Variants in COG6 observed in about 807,000 individuals in gnomAD.
The protein encoded by COG6 is conserved oligomeric Golgi complex subunit 6.
COG6 carries 74 observed loss-of-function variants against 88.8 expected under a neutral mutation model. That is an observed-to-expected ratio of 0.83 (90% CI 0.69 to 1.01). The LOEUF is 1.01. COG6 is among the 50% of genes least tolerant of loss of function. The pLI is 0.00. For missense variants in COG6, 800 were observed against 797.9 expected (o/e 1.00, Z -0.03); for synonymous variants, 286 against 278.7 (o/e 1.03, Z -0.26).
intron 7 of COG6, among the ~76,000 whole-genome samples, chr13:39,681,573 G>A (rs993202456): frequency 1.3e-5 from 2 of 152,138 alleles, no homozygotes; most frequent in African/African-American, 4.8e-5. Flanking sequence ...TACTGCTAGT[G>A]TGAAGTCCTT....
rs535106917 is a variant in COG6 at position 39,752,506 on chromosome 13, G to T, written c.*1413G>T. On this transcript the variant is annotated 3_prime_UTR_variant, in exon 19 of 19. Transcript: ENST00000455146. ...AAAGTATAAATCAAGAGCTTAAATT[G>T]TATATAATTTATTTCTACAGAGAAA... is the stretch of plus-strand genomic sequence containing the variant. 97 of 1,157,094 alleles carry T rather than the reference G, an allele frequency of 8.4e-5. No homozygotes were observed. The African/African-American group carries it at 1.5e-3, about 17-fold the overall frequency. 71.7% of individuals were successfully genotyped at this position (1,157,094 alleles called of 1,614,324 possible). A position where few individuals can be genotyped will look rare whatever the true frequency, so the allele number is the denominator to read the frequency against.
At position 39,659,480 on chromosome 13, in the gene COG6, T is replaced by C; in HGVS notation, c.270T>C (p.Phe90=). The change falls in exon 2 of 19, where the codon TTT becomes TTC. Residue 90 remains phenylalanine (F), a synonymous_variant. Coordinates refer to ENST00000455146, the MANE Select transcript of COG6 (RefSeq NM_020751.3). The part of the protein sequence containing the change: ...ERKSLAINEE[F]VSIFKEVKEE... Reference sequence around the variant, plus strand: ...AAAGTTTAGCCATCAATGAAGAATTTGTAAGCATTTTCAAGGAAGTGAAGG... The same window carrying C: ...AAAGTTTAGCCATCAATGAAGAATTCGTAAGCATTTTCAAGGAAGTGAAGG... 1 of 1,613,542 alleles carries C rather than the reference T, an allele frequency of 6.2e-7. No homozygotes were observed. The highest frequency in any genetic ancestry group is 8.5e-7 in the Non-Finnish European group (1 of 1,179,724).
intron 13 of COG6, among the ~76,000 whole-genome samples, chr13:39,714,607 A>G (rs755047956): frequency 2.0e-5 from 3 of 152,104 alleles, no homozygotes; most frequent in Non-Finnish European, 4.4e-5. Flanking sequence ...CATTATTAAA[A>G]AGTGAAAAAA....
At chr13:39,753,750 A>G (rs779247146), downstream of COG6, among the ~76,000 whole-genome samples, 1 of 152,086 alleles carries the variant, frequency 6.6e-6, no homozygotes, top group Non-Finnish European at 1.5e-5. Flanking sequence ...TTCAGCAACA[A>G]CTGGCCTCTC....
intron 4 of COG6, among the ~76,000 whole-genome samples, chr13:39,676,438 C>T (rs909055724): frequency 6.6e-6 from 1 of 152,064 alleles, no homozygotes; most frequent in South Asian, 2.1e-4. Flanking sequence ...AAGAACATGA[C>T]ATTTAAATCT....
At chr13:39,678,879 T>A (rs1189751959) in intron 5 of COG6, among the ~76,000 whole-genome samples, 1 of 152,016 alleles carries the variant, frequency 6.6e-6, no homozygotes, top group African/African-American at 2.4e-5. Context: ...ATATTTGACA[T>A]ATCATTTTTT....
intron 10 of COG6, among the ~76,000 whole-genome samples, chr13:39,689,091 C>T (rs1876834326): frequency 6.6e-6 from 1 of 152,136 alleles, no homozygotes; most frequent in African/African-American, 2.4e-5. Context: ...TCTCCTTACC[C>T]AGTTTAAATA....
chr13:39,696,655 G>C (rs543970513), intron 12 of COG6, among the ~76,000 whole-genome samples: 2 of 151,226 alleles, frequency 1.3e-5, no homozygotes, highest in South Asian at 4.2e-4. Flanking sequence ...GGTAGAGAGA[G>C]GCCAGCTCAC....
chr13:39,717,145 A>G (rs986765864), intron 13 of COG6, among the ~76,000 whole-genome samples: 3 of 152,200 alleles, frequency 2.0e-5, no homozygotes, highest in South Asian at 2.1e-4. Flanking sequence ...ATGTCATCCA[A>G]TATGCAGACT....
chr13:39,701,409 T>C (rs1877569951), intron 13 of COG6, among the ~76,000 whole-genome samples: 2 of 151,926 alleles, frequency 1.3e-5, no homozygotes, highest in Admixed American at 6.6e-5. Flanking sequence ...TAAGAGATAG[T>C]TGAATTCATG....
intron 18 of COG6, among the ~76,000 whole-genome samples, chr13:39,734,242 A>C (rs1433515054): frequency 6.6e-6 from 1 of 152,086 alleles, no homozygotes; most frequent in Non-Finnish European, 1.5e-5. Context: ...ACTTACAGCT[A>C]CAAAGTTTCC....
At chr13:39,666,516 A>G (rs1441171664) in intron 4 of COG6, among the ~76,000 whole-genome samples, 1 of 152,212 alleles carries the variant, frequency 6.6e-6, no homozygotes, top group South Asian at 2.1e-4. Flanking sequence ...AAGAGTTTGA[A>G]AAACACTGCC....
chr13:39,668,649 G>A (rs1040483637), intron 4 of COG6, among the ~76,000 whole-genome samples: 3 of 152,044 alleles, frequency 2.0e-5, no homozygotes, highest in Admixed American at 6.5e-5. Flanking sequence ...TTAGCCGGGC[G>A]TGGTGGCGGG....
rs764876407 is a variant in COG6 at position 39,703,294 on chromosome 13, C to T, written c.1284+3676C>T. ...TAAAAAAAAATCTTTACCAACATGA[C>T]GAGCAAAAGCGACATTTTGTTGTTT... is the stretch of plus-strand genomic sequence containing the variant. On this transcript the variant is annotated intron_variant, in intron 13 of 18. Transcript: ENST00000455146. Among the ~76,000 whole-genome samples, 16 of 152,002 alleles carry T rather than the reference C, an allele frequency of 1.1e-4. 1 individual carries two copies. The highest frequency in any genetic ancestry group is 1.9e-4 in the East Asian group (1 of 5,180).
At chr13:39,673,316 A>G (rs1223739704) in intron 4 of COG6, among the ~76,000 whole-genome samples, 1 of 151,894 alleles carries the variant, frequency 6.6e-6, no homozygotes, top group Non-Finnish European at 1.5e-5. Context: ...TATTTGTTTT[A>G]AAATACTAAG....
At chr13:39,677,068 A>C (rs749251762) in intron 4 of COG6, among the ~76,000 whole-genome samples, 1 of 152,192 alleles carries the variant, frequency 6.6e-6, no homozygotes, top group Admixed American at 6.5e-5. Context: ...TAAAAGGCTT[A>C]GGAATTGTTT....
intron 18 of COG6, 21 bp downstream of exon 18, chr13:39,727,569 G>C (rs767655447): frequency 3.9e-6 from 6 of 1,546,448 alleles, no homozygotes; most frequent in Non-Finnish European, 5.4e-6. Flanking sequence ...TTGGTCCCAA[G>C]TAGTTGGTAA....
chr13:39,753,056 C>T (rs1880718757), downstream of COG6, among the ~76,000 whole-genome samples: 1 of 152,266 alleles, frequency 6.6e-6, no homozygotes, highest in South Asian at 2.1e-4. Context: ...TGGCTTTACT[C>T]GAAATTCATG....
intron 18 of COG6, among the ~76,000 whole-genome samples, chr13:39,758,882 TATTC>T: frequency 6.6e-6 from 1 of 152,298 alleles, no homozygotes. Flanking sequence ...AATGAAATAT[TATTC>T]ATTTATAAAA....
Sources: allele counts gnomAD v4.1 joint callset (sites outside exome capture counted in the v4.1 genomes callset), GRCh38; gene constraint gnomAD v4.1.1; transcripts MANE v1.5; gene names NCBI Gene and HGNC (gene_info 2026-07-23, HGNC 2026-07-21).